Variants in SGCD observed in about 807,000 individuals in gnomAD.
SGCD encodes delta-sarcoglycan.
In SGCD, 18 loss-of-function variants were observed where a neutral mutation model predicts 36.6. That is an observed-to-expected ratio of 0.49 (90% CI 0.34 to 0.73). SGCD has a LOEUF of 0.73. Among genes scored for constraint, SGCD ranks in the 30% least tolerant of loss-of-function variants. SGCD has a pLI of 0.01. For synonymous variants in SGCD, 133 were observed against 130.6 expected, an observed-to-expected ratio of 1.02 and a Z score of -0.12; for missense variants, 387 against 346.7, an observed-to-expected ratio of 1.12 and a Z score of -0.92.
chr5:156,712,260 C>T (rs1755025503), intron 7 of SGCD, among the ~76,000 whole-genome samples: 1 of 152,124 alleles, frequency 6.6e-6, no homozygotes, highest in Non-Finnish European at 1.5e-5. Flanking sequence ...GTTTAAATGC[C>T]TCAGACAGAG....
chr5:156,354,952 G>T (rs1354147427), intron 3 of SGCD, among the ~76,000 whole-genome samples: 1 of 152,170 alleles, frequency 6.6e-6, no homozygotes, highest in African/African-American at 2.4e-5. Context: ...AAGATTTCTA[G>T]GTTCAGAGTT....
intron 7 of SGCD, among the ~76,000 whole-genome samples, chr5:156,711,750 CT>C (rs1755003907): frequency 6.6e-6 from 1 of 152,112 alleles, no homozygotes; most frequent in Admixed American, 6.5e-5. Context: ...GAAAAGGGTC[CT>C]GATCCAGACC....
chr5:156,381,089 C>A lies in SGCD; in HGVS notation c.192+36412C>A, dbSNP rs188797261. Among the ~76,000 whole-genome samples, 24 of 152,248 alleles carry A rather than the reference C, an allele frequency of 1.6e-4. No individual in the cohort carries two copies. In the East Asian group the frequency reaches 4.6e-3, roughly 29 times the overall value. On this transcript the variant is annotated intron_variant, in intron 3 of 8. Transcript: ENST00000337851. ...TGAGAAATCAAAGACAAAAACATCT[C>A]AGGAAGAAATGAGTTGGAGGTATCA...
rs372513370 is a variant in SGCD, at chr5:156,219,677, G to A, written c.-44+95658G>A. On this transcript the variant is annotated intron_variant, in intron 3 of 9. Transcript: ENST00000517913. ...TAAAAATAGAAGCCAAAGCCTTAGCGCTTAGTGCTGTCTCTTAGTGATATA... is the reference window on the plus strand; with the variant it reads ...TAAAAATAGAAGCCAAAGCCTTAGCACTTAGTGCTGTCTCTTAGTGATATA... Among the ~76,000 whole-genome samples, 27 of 152,252 alleles carry A rather than the reference G, an allele frequency of 1.8e-4. No homozygotes were observed. In the East Asian group the frequency reaches 4.1e-3, roughly 23 times the overall value.
At chr5:156,330,829 A>G (rs1444769254) in intron 2 of SGCD, among the ~76,000 whole-genome samples, 1 of 152,214 alleles carries the variant, frequency 6.6e-6, no homozygotes, top group Non-Finnish European at 1.5e-5. Flanking sequence ...TTGTGAACTG[A>G]GCTCAGGGTC....
chr5:156,399,291 A>G (rs1374178617), intron 3 of SGCD, among the ~76,000 whole-genome samples: 1 of 152,178 alleles, frequency 6.6e-6, no homozygotes, highest in Non-Finnish European at 1.5e-5. Flanking sequence ...TAGCTATAGG[A>G]TTTCTCAAGG....
At chr5:156,394,572 T>C (rs934986557) in intron 3 of SGCD, among the ~76,000 whole-genome samples, 5 of 152,244 alleles carry the variant, frequency 3.3e-5, no homozygotes, top group Admixed American at 6.5e-5. Flanking sequence ...TTTTCACTTT[T>C]GGGGGCTCCT....
chr5:156,167,671 G>A (rs902641848), intron 3 of SGCD, among the ~76,000 whole-genome samples: 19 of 152,156 alleles, frequency 1.2e-4, no homozygotes, highest in African/African-American at 3.9e-4. Flanking sequence ...CTCTCTTGTC[G>A]TGTGATACGC....
intron 3 of SGCD, among the ~76,000 whole-genome samples, chr5:156,496,260 A>G (rs887565850): frequency 1.6e-4 from 25 of 152,166 alleles, no homozygotes; most frequent in African/African-American, 6.0e-4. Context: ...CCTGACAGCC[A>G]GAGGAACTGT....
At chr5:155,839,749 T>G in the SGCD span, among the ~76,000 whole-genome samples, 1,872 of 152,256 alleles carry the variant, frequency 0.012, 46 homozygotes, top group African/African-American at 0.043. Flanking sequence ...TGGGAGACTG[T>G]GAGAGGATTT....
At chr5:155,899,694 T>C (rs572964921) in intron 1 of SGCD, among the ~76,000 whole-genome samples, 1 of 152,294 alleles carries the variant, frequency 6.6e-6, no homozygotes, top group African/African-American at 2.4e-5. Context: ...TTAGTTAGAA[T>C]TTATGATTTG....
At chr5:156,722,687 T>C (rs1755569958) in intron 7 of SGCD, among the ~76,000 whole-genome samples, 1 of 152,238 alleles carries the variant, frequency 6.6e-6, no homozygotes, top group South Asian at 2.1e-4. Context: ...TTCTTCCAGT[T>C]CCAGAATTAT....
upstream of SGCD, among the ~76,000 whole-genome samples, chr5:156,324,928 T>C (rs1273762219): frequency 6.6e-6 from 1 of 152,200 alleles, no homozygotes. Context: ...TGTGGGATTT[T>C]ATTTTGCTAT....
At position 155,890,884 on chromosome 5, in the gene SGCD, A is replaced by G. The variant is rs539694379; in HGVS notation, c.-282+20460A>G. The stretch of plus-strand genomic sequence containing the variant: ...GGTGGTGGTGGGAGAATAAGAGTTC[A>G]GTCGGCCTAGCTTAGGTCATATGCC... On this transcript the variant is annotated intron_variant, in intron 1 of 9. Coordinates refer to the SGCD transcript ENST00000517913. 2.0e-5 allele frequency among the ~76,000 whole-genome samples: 3 copies of G among 152,254 alleles called. No individual in the cohort carries two copies. In the South Asian group the frequency reaches 6.2e-4, roughly 32 times the overall value.
At chr5:156,041,131 T>C (rs994073482) in intron 1 of SGCD, among the ~76,000 whole-genome samples, 7 of 152,218 alleles carry the variant, frequency 4.6e-5, no homozygotes, top group Admixed American at 2.6e-4. Context: ...GATGTGTATC[T>C]GGAGGCACAT....
intron 1 of SGCD, among the ~76,000 whole-genome samples, chr5:156,031,839 G>T (rs1759354605): frequency 6.6e-6 from 1 of 152,146 alleles, no homozygotes; most frequent in Admixed American, 6.5e-5. Flanking sequence ...GAACCAAGTG[G>T]TCTGATTCCA....
chr5:155,952,295 G>A (rs1354935464), intron 1 of SGCD, among the ~76,000 whole-genome samples: 1 of 152,030 alleles, frequency 6.6e-6, no homozygotes, highest in Non-Finnish European at 1.5e-5. Flanking sequence ...CTTATTGTGA[G>A]TACTACTGAC....
the SGCD span, among the ~76,000 whole-genome samples, chr5:155,747,628 T>C: frequency 1.3e-4 from 20 of 152,308 alleles, no homozygotes; most frequent in East Asian, 3.7e-3. Flanking sequence ...AGCTAGGATT[T>C]GAACCTCAAA....
chr5:156,091,849 G>T (rs936666705), intron 1 of SGCD, among the ~76,000 whole-genome samples: 4 of 152,198 alleles, frequency 2.6e-5, no homozygotes, highest in Non-Finnish European at 5.9e-5. Flanking sequence ...AAATTTTTAT[G>T]CTTCCTGTAG....
Sources: allele counts gnomAD v4.1 joint callset (sites outside exome capture counted in the v4.1 genomes callset), GRCh38; gene constraint gnomAD v4.1.1; transcripts MANE v1.5; gene names NCBI Gene and HGNC (gene_info 2026-07-23, HGNC 2026-07-21).